The following KIF16B variants were observed in gnomAD, a reference collection of about 807,000 sequenced individuals.
The protein encoded by KIF16B is kinesin-like protein KIF16B.
In KIF16B, 98 loss-of-function variants were observed where a neutral mutation model predicts 156.3. The ratio of observed to expected loss-of-function variants is 0.63; its 90% CI spans 0.53 to 0.74. KIF16B has a LOEUF of 0.74. KIF16B is among the 30% of genes least tolerant of loss of function. The probability of loss-of-function intolerance (pLI) is 0.00; values close to 1 mark genes in which losing one functional copy is unlikely to be tolerated. For missense variants in KIF16B, 1,421 were observed against 1,606.5 expected (o/e 0.88, Z 1.97); for synonymous variants, 564 against 583.7 (o/e 0.97, Z 0.49).
At chr20:16,368,318 C>T (rs998315811) in intron 22 of KIF16B, 48 of 992,082 alleles carry the variant, frequency 4.8e-5, no homozygotes, top group Non-Finnish European at 5.4e-5. Flanking sequence ...GCCGCACCCT[C>T]TGCTGGCCTC....
At chr20:16,455,788 G>A (rs1345365482) in intron 12 of KIF16B, among the ~76,000 whole-genome samples, 4 of 152,084 alleles carry the variant, frequency 2.6e-5, no homozygotes, top group Non-Finnish European at 5.9e-5. Flanking sequence ...TATTTATTTG[G>A]GGTGGAACAA....
chr20:16,495,475 T>C (rs1340983856), intron 11 of KIF16B, among the ~76,000 whole-genome samples: 2 of 152,206 alleles, frequency 1.3e-5, no homozygotes, highest in African/African-American at 2.4e-5. Context: ...AAAACCAAAA[T>C]ATATCTCATT....
chr20:16,386,398 A>G (rs1372905629), intron 17 of KIF16B, among the ~76,000 whole-genome samples: 1 of 151,894 alleles, frequency 6.6e-6, no homozygotes, highest in African/African-American at 2.4e-5. Flanking sequence ...GCACCCAATG[A>G]CCTTCATGAC....
intron 10 of KIF16B, 151 bp from the exon 11 acceptor site, chr20:16,497,829 C>A: frequency 3.3e-6 from 2 of 599,902 alleles, no homozygotes; most frequent in South Asian, 4.6e-5. Flanking sequence ...TTGAATATCA[C>A]CAAGTCTTTA....
intron 3 of KIF16B, among the ~76,000 whole-genome samples, chr20:16,522,005 CG>C (rs1202397953): frequency 1.3e-5 from 2 of 151,908 alleles, no homozygotes; most frequent in Non-Finnish European, 2.9e-5. Context: ...CTGCCTTACA[CG>C]AGCTCCTGAA....
chr20:16,535,954 A>G (rs2069943224), intron 1 of KIF16B, among the ~76,000 whole-genome samples: 1 of 152,226 alleles, frequency 6.6e-6, no homozygotes, highest in Non-Finnish European at 1.5e-5. Context: ...TTAAAAATAG[A>G]ACCACCATAC....
intron 22 of KIF16B, among the ~76,000 whole-genome samples, chr20:16,358,069 G>A (rs1280133553): frequency 6.6e-6 from 1 of 152,114 alleles, no homozygotes; most frequent in African/African-American, 2.4e-5. Context: ...TGCGCCTGTA[G>A]TCCCAGCTAC....
At chr20:16,470,859 A>T (rs994304974) in intron 12 of KIF16B, among the ~76,000 whole-genome samples, 1 of 151,714 alleles carries the variant, frequency 6.6e-6, no homozygotes, top group Non-Finnish European at 1.5e-5. Context: ...TTTTTTAAGC[A>T]AAAGTTAAAC....
chr20:16,336,753 C>A (rs1037236733), intron 23 of KIF16B, among the ~76,000 whole-genome samples: 1 of 152,178 alleles, frequency 6.6e-6, no homozygotes, highest in Non-Finnish European at 1.5e-5. Flanking sequence ...CAATGCCAGC[C>A]AGAGATGCTG....
intron 22 of KIF16B, among the ~76,000 whole-genome samples, chr20:16,365,442 C>G (rs778713079): frequency 5.9e-5 from 9 of 152,042 alleles, no homozygotes; most frequent in Non-Finnish European, 8.8e-5. Flanking sequence ...GTAGGGGGTG[C>G]TTTGGAAATG....
chr20:16,433,912 C>T (rs1003844090), intron 12 of KIF16B, among the ~76,000 whole-genome samples: 4 of 152,030 alleles, frequency 2.6e-5, no homozygotes, highest in Admixed American at 6.6e-5. Context: ...TATGAAATAC[C>T]TCTTGGATAA....
chr20:16,382,036 A>G, intron 17 of KIF16B: 1 of 1,085,814 alleles, frequency 9.2e-7, no homozygotes, highest in Non-Finnish European at 1.3e-6. Context: ...CTTCTAAATG[A>G]TAAGCACGTC....
chr20:16,539,382 A>C (rs1270385255), intron 1 of KIF16B, among the ~76,000 whole-genome samples: 1 of 152,214 alleles, frequency 6.6e-6, no homozygotes, highest in African/African-American at 2.4e-5. Context: ...AACTGAAGCA[A>C]AGGTCATCCT....
intron 25 of KIF16B, among the ~76,000 whole-genome samples, chr20:16,276,233 C>T (rs2122254350): frequency 6.6e-6 from 1 of 152,114 alleles, no homozygotes; most frequent in Non-Finnish European, 1.5e-5. Flanking sequence ...AGTAGGGTCC[C>T]TATAAAGGGC....
chr20:16,316,141 A>C (rs991558393), intron 24 of KIF16B, among the ~76,000 whole-genome samples: 7 of 152,162 alleles, frequency 4.6e-5, no homozygotes, highest in Admixed American at 3.9e-4. Context: ...GTAAGTTAAA[A>C]ACTGTTGAGT....
At chr20:16,391,009 A>T (rs1368399429) in intron 17 of KIF16B, among the ~76,000 whole-genome samples, 5 of 152,186 alleles carry the variant, frequency 3.3e-5, no homozygotes, top group African/African-American at 1.2e-4. Flanking sequence ...GACAGCATTT[A>T]TAGGGATGAG....
At chr20:16,431,909 CGT>C (rs2066511185) in intron 12 of KIF16B, among the ~76,000 whole-genome samples, 1 of 134,890 alleles carries the variant, frequency 7.4e-6, no homozygotes, top group African/African-American at 2.8e-5. Context: ...TATATGTATA[CGT>C]ATACACACAC....
rs138125482 is a variant in KIF16B at position 16,438,180 on chromosome 20, C to T, written c.1303-8198G>A. ...AGAAAAAGTCATTATCAACAAAAAC[C>T]AATTAGCTCTGAAACCCTGAAAGTA... On this transcript the variant is annotated intron_variant, in intron 12 of 25. Transcript: ENST00000354981. Among the ~76,000 whole-genome samples the T allele has an allele frequency of 2.5e-4, 38 of 151,842 alleles. 1 individual carries two copies. Among genetic ancestry groups the T allele is most frequent in the African/African-American group, 7.0e-4 (29 of 41,454 alleles).
At chr20:16,412,242 G>A (rs118084883) in intron 15 of KIF16B, among the ~76,000 whole-genome samples, 2,062 of 152,082 alleles carry the variant, frequency 0.014, 27 homozygotes, top group Non-Finnish European at 0.021. Flanking sequence ...ACACCATTGG[G>A]TGTGGTGGCA....
Sources: allele counts gnomAD v4.1 joint callset (sites outside exome capture counted in the v4.1 genomes callset), GRCh38; gene constraint gnomAD v4.1.1; transcripts MANE v1.5; gene names NCBI Gene and HGNC (gene_info 2026-07-23, HGNC 2026-07-21).